Variants in SENP8 observed in about 807,000 individuals in gnomAD.
The protein encoded by SENP8 is sentrin-specific protease 8.
SENP8 carries 10 observed loss-of-function variants against 14.4 expected under a neutral mutation model. The ratio of observed to expected loss-of-function variants is 0.69; its 90% CI spans 0.43 to 1.18. The LOEUF is 1.18. Ranked by LOEUF, SENP8 falls within the 50% of genes most tolerant of loss-of-function variation. The pLI, the probability that SENP8 is intolerant of heterozygous loss-of-function variation, is 0.00. For missense variants in SENP8, 202 were observed against 249.4 expected, an observed-to-expected ratio of 0.81 and a Z score of 1.28; for synonymous variants, 94 against 95.5, an observed-to-expected ratio of 0.98 and a Z score of 0.09.
chr15:72,130,473 T>C (rs2081262204), intron 1 of SENP8, among the ~76,000 whole-genome samples: 1 of 152,090 alleles, frequency 6.6e-6, no homozygotes, highest in Non-Finnish European at 1.5e-5. Context: ...TAAAACTTTA[T>C]TTATAGAAGC....
rs910565050 is a variant in SENP8, at chr15:72,143,465, C to T, written c.*3203C>T. On this transcript the variant is annotated 3_prime_UTR_variant, in exon 2 of 2. Coordinates refer to ENST00000340912, the MANE Select transcript of SENP8 (RefSeq NM_145204.4). ...CTTATTCAAGGATGGTGAATAGCAA[C>T]AACTAACCTTTTTATCACTCTGTAA... The T allele has an allele frequency of 6.6e-6, 1 of 152,170 alleles. No individual in the cohort carries two copies. The allele number at this position is 152,170 out of a possible 1,614,324, so 9.4% of individuals were successfully genotyped here. A position where few individuals can be genotyped will look rare whatever the true frequency, so the allele number is the denominator to read the frequency against.
chr15:72,121,530 A>G (rs2081167290), intron 1 of SENP8, among the ~76,000 whole-genome samples: 1 of 151,306 alleles, frequency 6.6e-6, no homozygotes, highest in African/African-American at 2.4e-5. Context: ...GGAGTTCAAG[A>G]CCAGCCTGGG....
chr15:72,122,754 T>C (rs1471290047), intron 1 of SENP8, among the ~76,000 whole-genome samples: 1 of 152,220 alleles, frequency 6.6e-6, no homozygotes, highest in East Asian at 1.9e-4. Context: ...TGGGTCTATC[T>C]GAAATCAGAA....
chr15:72,140,847 A>C lies in SENP8; in HGVS notation c.*585A>C, dbSNP rs1195562718. On this transcript the variant is annotated 3_prime_UTR_variant, in exon 2 of 2. Coordinates refer to ENST00000340912, the MANE Select transcript of SENP8 (RefSeq NM_145204.4). ...CACAGGCTTTTCCAGCTATCTATAT[A>C]ATGTTTGCAAATATTTGATAAAGAT... The C allele has an allele frequency of 6.0e-6, 1 of 167,146 alleles. No individual in the cohort carries two copies. The highest frequency in any genetic ancestry group is 1.5e-5 in the Non-Finnish European group (1 of 68,188). The allele number at this position is 167,146 out of a possible 1,614,324, so 10.4% of individuals were successfully genotyped here.
chr15:72,131,242 A>T (rs1006177331), intron 1 of SENP8, among the ~76,000 whole-genome samples: 5 of 152,190 alleles, frequency 3.3e-5, no homozygotes, highest in Non-Finnish European at 5.9e-5. Context: ...TGATTCTAAT[A>T]TGCTTCCCTG....
upstream of SENP8, among the ~76,000 whole-genome samples, chr15:72,115,015 TAAAAA>T (rs886782348): frequency 6.6e-6 from 1 of 152,056 alleles, no homozygotes; most frequent in East Asian, 1.9e-4. Flanking sequence ...AGGTACTTGT[TAAAAA>T]AAATCTAAGT....
upstream of SENP8, chr15:72,118,232 C>T: frequency 2.9e-6 from 1 of 339,708 alleles, no homozygotes; most frequent in Non-Finnish European, 5.3e-6. Context: ...CTGGAGAGTA[C>T]AGCGTGCGCT....
At chr15:72,135,234 G>C (rs1320550763) in intron 1 of SENP8, 1 of 181,172 alleles carries the variant, frequency 5.5e-6, no homozygotes, top group African/African-American at 2.4e-5. Context: ...GCTAATTTTT[G>C]TATTTTTAGT....
At chr15:72,120,587 G>A (rs896013147) in intron 1 of SENP8, among the ~76,000 whole-genome samples, 3 of 152,156 alleles carry the variant, frequency 2.0e-5, no homozygotes, top group Non-Finnish European at 2.9e-5. Flanking sequence ...CCACCTTATA[G>A]ATTCAGTCTC....
intron 1 of SENP8, among the ~76,000 whole-genome samples, chr15:72,123,208 T>C (rs1466419180): frequency 6.6e-6 from 1 of 152,218 alleles, no homozygotes; most frequent in East Asian, 1.9e-4. Context: ...TTTCAAATAG[T>C]GTGTTTGCAT....
chr15:72,138,179 A>G (rs2081345312), intron 1 of SENP8, among the ~76,000 whole-genome samples: 1 of 152,044 alleles, frequency 6.6e-6, no homozygotes, highest in African/African-American at 2.4e-5. Context: ...CTTCAAGAGG[A>G]TATTTAAAAT....
At chr15:72,131,106 G>A (rs540529856) in intron 1 of SENP8, among the ~76,000 whole-genome samples, 5 of 152,328 alleles carry the variant, frequency 3.3e-5, no homozygotes, top group African/African-American at 1.2e-4. Context: ...AAGAGGCTGA[G>A]GCAGAAGGAT....
rs1414014140 is a variant in SENP8 at position 72,140,154 on chromosome 15, C to T, written c.531C>T (p.Asn177=). 7 of 1,614,174 alleles carry T rather than the reference C, an allele frequency of 4.3e-6. No individual in the cohort carries two copies. Among genetic ancestry groups the T allele is most frequent in the Non-Finnish European group, 5.9e-6 (7 of 1,180,024 alleles). ...VICNTEALCQ[N]FFRQQTESLL... Reference sequence around the variant, plus strand: ...GTAACACTGAGGCCTTGTGTCAGAACTTCTTTAGGCAACAGACAGAATCAC... The same window carrying T: ...GTAACACTGAGGCCTTGTGTCAGAATTTCTTTAGGCAACAGACAGAATCAC... Residue 177 remains asparagine, a synonymous_variant, in exon 2 of 2, where the codon AAC becomes AAT. Transcript: ENST00000340912.
chr15:72,132,534 A>G (rs1403862582), intron 1 of SENP8, among the ~76,000 whole-genome samples: 1 of 152,084 alleles, frequency 6.6e-6, no homozygotes, highest in Non-Finnish European at 1.5e-5. Flanking sequence ...AAATGATTAT[A>G]GATGGCTCTT....
chr15:72,139,826 C>T lies in SENP8; in HGVS notation c.203C>T (p.Pro68Leu). The T allele has an allele frequency of 1.2e-6, 2 of 1,614,198 alleles. No homozygotes were observed. Among genetic ancestry groups the T allele is most frequent in the Non-Finnish European group, 1.7e-6 (2 of 1,180,030 alleles). Residue 68 changes from proline to leucine, a missense_variant, in exon 2 of 2, where the codon CCA becomes CTA. Coordinates refer to ENST00000340912, the MANE Select transcript of SENP8 (RefSeq NM_145204.4). ...VTQFIKCTSN[P>L]AEIAMFLEPL... ...CAGTTCATCAAGTGCACTAGCAACC[C>T]AGCAGAGATTGCCATGTTCCTTGAA... is the stretch of plus-strand genomic sequence containing the variant.
chr15:72,121,952 T>G (rs1253802339), intron 1 of SENP8, among the ~76,000 whole-genome samples: 1 of 152,230 alleles, frequency 6.6e-6, no homozygotes, highest in Non-Finnish European at 1.5e-5. Context: ...TACCATAAGT[T>G]CACAGATCTT....
intron 1 of SENP8, among the ~76,000 whole-genome samples, chr15:72,138,806 C>CA (rs916612686): frequency 1.6e-4 from 24 of 148,000 alleles, no homozygotes; most frequent in Admixed American, 1.2e-3. Context: ...ACTAAAAATA[C>CA]AAAAAAAAAT....
At position 72,140,149 on chromosome 15, in the gene SENP8, C is replaced by G; in HGVS notation, c.526C>G (p.Gln176Glu). The G allele has an allele frequency of 6.2e-7, 1 of 1,614,102 alleles. No individual in the cohort carries two copies. Among genetic ancestry groups the G allele is most frequent in the Non-Finnish European group, 8.5e-7 (1 of 1,179,996 alleles). ...GATATGTAACACTGAGGCCTTGTGT[C>G]AGAACTTCTTTAGGCAACAGACAGA... ...YVICNTEALC[Q>E]NFFRQQTESL... The change falls in exon 2 of 2, where the codon CAG becomes GAG. Residue 176 changes from glutamine to glutamate, a missense_variant. Coordinates refer to ENST00000340912, the MANE Select transcript of SENP8 (RefSeq NM_145204.4).
At chr15:72,115,038 A>G (rs12916039), upstream of SENP8, among the ~76,000 whole-genome samples, 2,070 of 152,286 alleles carry the variant, frequency 0.014, 22 homozygotes, top group East Asian at 0.025. Flanking sequence ...AGTTTACCCA[A>G]TTTCCCTCAG....
Sources: allele counts gnomAD v4.1 joint callset (sites outside exome capture counted in the v4.1 genomes callset), GRCh38; gene constraint gnomAD v4.1.1; transcripts MANE v1.5; gene names NCBI Gene and HGNC (gene_info 2026-07-23, HGNC 2026-07-21).